The following AGMO variants were observed in gnomAD, a reference collection of about 807,000 sequenced individuals.
AGMO encodes alkylglycerol monooxygenase.
A neutral mutation model predicts 60.2 loss-of-function variants in AGMO; 75 were observed. That is an observed-to-expected ratio of 1.25 (90% CI 1.03 to 1.51). The LOEUF (loss-of-function observed/expected upper bound fraction) is 1.51, where lower values mean the gene tolerates loss of function less well. Ranked by LOEUF, AGMO falls within the 40% of genes most tolerant of loss-of-function variation. The pLI, the probability that AGMO is intolerant of heterozygous loss-of-function variation, is 0.00. For missense variants in AGMO, 763 were observed against 525.5 expected, an observed-to-expected ratio of 1.45 and a Z score of -4.42; for synonymous variants, 261 against 177.1, an observed-to-expected ratio of 1.47 and a Z score of -3.76.
At chr7:15,374,415 T>C (rs1193106515) in intron 10 of AGMO, among the ~76,000 whole-genome samples, 2 of 152,102 alleles carry the variant, frequency 1.3e-5, no homozygotes, top group African/African-American at 4.8e-5. Context: ...TGAATTGACA[T>C]GGAGTTCATC....
In AGMO at chr7:15,263,680, C is replaced by A. The variant is rs377483780; in HGVS notation, c.1264-62321G>T. On this transcript the variant is annotated intron_variant, in intron 12 of 12. Coordinates refer to ENST00000342526, the MANE Select transcript of AGMO (RefSeq NM_001004320.2). ...ATATGGAACCAGCACAAATGCTCAT[C>A]AACCAATGAAGGGATAAAGAAATAT... Among the ~76,000 whole-genome samples, 3 of 152,046 alleles carry A rather than the reference C, an allele frequency of 2.0e-5. No homozygotes were observed. The East Asian group carries it at 5.8e-4, about 29-fold the overall frequency.
intron 4 of AGMO, among the ~76,000 whole-genome samples, chr7:15,420,222 G>C (rs1183762053): frequency 6.6e-6 from 1 of 152,080 alleles, no homozygotes; most frequent in Non-Finnish European, 1.5e-5. Context: ...GATAAGTCGT[G>C]AAGTGGTAAA....
chr7:15,205,860 G>A (rs528441034), intron 12 of AGMO, among the ~76,000 whole-genome samples: 1 of 152,018 alleles, frequency 6.6e-6, no homozygotes, highest in South Asian at 2.1e-4. Context: ...ACATTTTTCT[G>A]AAAAATTGTT....
the AGMO span, among the ~76,000 whole-genome samples, chr7:15,119,439 C>T: frequency 6.6e-6 from 1 of 152,042 alleles, no homozygotes; most frequent in African/African-American, 2.4e-5. Flanking sequence ...TTTAACCTAA[C>T]AACTTTTAAC....
intron 3 of AGMO, among the ~76,000 whole-genome samples, chr7:15,432,628 A>C (rs1309304715): frequency 6.6e-6 from 1 of 151,794 alleles, no homozygotes; most frequent in Non-Finnish European, 1.5e-5. Context: ...TGGAACACGT[A>C]TTGTCATCAA....
At chr7:15,428,717 T>G (rs1781139874) in intron 4 of AGMO, among the ~76,000 whole-genome samples, 1 of 152,116 alleles carries the variant, frequency 6.6e-6, no homozygotes, top group Admixed American at 6.6e-5. Flanking sequence ...TCAATGATGC[T>G]CTGATAATTT....
At chr7:15,357,833 A>T (rs1008388014) in intron 12 of AGMO, among the ~76,000 whole-genome samples, 1 of 152,238 alleles carries the variant, frequency 6.6e-6, no homozygotes, top group Non-Finnish European at 1.5e-5. Flanking sequence ...ACACCACAGA[A>T]ATTGTGAGAA....
In AGMO at chr7:15,459,599, T is replaced by TTGTGTGTGTGTGTGTGTG. The variant is rs754526222; in HGVS notation, c.410-28509_410-28492dup. Among the ~76,000 whole-genome samples the TTGTGTGTGTGTGTGTGTG allele has an allele frequency of 6.1e-3, 870 of 142,224 alleles. 10 individuals are homozygous for TTGTGTGTGTGTGTGTGTG. The highest frequency in any genetic ancestry group is 0.018 in the African/African-American group (694 of 38,066). The allele number at this position is 142,224 out of a possible 152,430, so 93.3% of individuals were successfully genotyped here. On this transcript the variant is annotated intron_variant, in intron 3 of 12. Coordinates refer to ENST00000342526, the MANE Select transcript of AGMO (RefSeq NM_001004320.2). ...GATCTTTAAATGTGTGTATGTGCGT[T>TTGTGTGTGTGTGTGTGTG]TGTGTGTGTGTGTGTGTGTGTGTGT... is the stretch of plus-strand genomic sequence containing the variant.
intron 6 of AGMO, among the ~76,000 whole-genome samples, chr7:15,392,366 C>G (rs182382614): frequency 6.6e-6 from 1 of 152,008 alleles, no homozygotes; most frequent in African/African-American, 2.4e-5. Flanking sequence ...TCAACATGCC[C>G]GGCCCTATTT....
intron 12 of AGMO, among the ~76,000 whole-genome samples, chr7:15,321,735 G>C (rs969361947): frequency 1.3e-5 from 2 of 152,164 alleles, no homozygotes; most frequent in African/African-American, 2.4e-5. Flanking sequence ...GAAAAAAAGA[G>C]TGTTGAGGTT....
intron 5 of AGMO, among the ~76,000 whole-genome samples, chr7:15,398,717 T>A (rs1562487833): frequency 6.6e-6 from 1 of 152,302 alleles, no homozygotes; most frequent in Admixed American, 6.5e-5. Context: ...TTGTATTAAT[T>A]TTTTAGACAT....
chr7:15,444,800 G>T (rs567828746), intron 3 of AGMO, among the ~76,000 whole-genome samples: 73 of 152,266 alleles, frequency 4.8e-4, no homozygotes, highest in Middle Eastern at 3.4e-3. Flanking sequence ...TGTATCTGCA[G>T]CTCTCTGTTG....
intron 12 of AGMO, among the ~76,000 whole-genome samples, chr7:15,247,470 A>AGAGAGAGAGAGAGG (rs1246968696): frequency 2.7e-5 from 4 of 150,038 alleles, no homozygotes; most frequent in African/African-American, 9.9e-5. Flanking sequence ...AGAGAGAGAG[A>AGAGAGAGAGAGAGG]GAGAGAGAGG....
At chr7:15,539,060 AT>A (rs1784551000) in intron 3 of AGMO, among the ~76,000 whole-genome samples, 1 of 152,174 alleles carries the variant, frequency 6.6e-6, no homozygotes, top group Non-Finnish European at 1.5e-5. Flanking sequence ...TATATAATCA[AT>A]GCCTCAGAAT....
intron 3 of AGMO, among the ~76,000 whole-genome samples, chr7:15,519,632 G>T (rs1783925266): frequency 6.6e-6 from 1 of 152,140 alleles, no homozygotes; most frequent in Non-Finnish European, 1.5e-5. Flanking sequence ...CACCAGGCCT[G>T]CCTTACAAGA....
intron 10 of AGMO, among the ~76,000 whole-genome samples, chr7:15,383,982 C>T (rs1783806275): frequency 6.6e-6 from 1 of 152,030 alleles, no homozygotes; most frequent in Non-Finnish European, 1.5e-5. Context: ...GTCCCCCAGG[C>T]TGGAGTGCAG....
chr7:15,461,576 T>C (rs1049350451), intron 3 of AGMO, among the ~76,000 whole-genome samples: 4 of 152,110 alleles, frequency 2.6e-5, no homozygotes, highest in Non-Finnish European at 4.4e-5. Context: ...GCAGTAGGGG[T>C]TCTCATTAGC....
chr7:15,166,479 T>C, the AGMO span, among the ~76,000 whole-genome samples: 36 of 152,316 alleles, frequency 2.4e-4, no homozygotes, highest in Admixed American at 1.0e-3. Flanking sequence ...AATGTCCCTT[T>C]GGACAGTGTA....
chr7:15,279,472 T>G (rs921838682), intron 12 of AGMO, among the ~76,000 whole-genome samples: 1 of 152,200 alleles, frequency 6.6e-6, no homozygotes, highest in African/African-American at 2.4e-5. Flanking sequence ...ACTGGTTGTT[T>G]TTTTTTATTT....
Sources: gnomAD v4.1 joint callset for allele counts (sites outside exome capture counted in the v4.1 genomes callset) on GRCh38, gnomAD v4.1.1 for gene constraint, MANE v1.5 for transcripts, NCBI Gene and HGNC (gene_info 2026-07-23, HGNC 2026-07-21) for gene names.